Variants in TRAIP observed in about 807,000 individuals in gnomAD.
TRAIP encodes E3 ubiquitin-protein ligase TRAIP.
A neutral mutation model predicts 65.0 loss-of-function variants in TRAIP; 37 were observed. The observed-to-expected ratio is 0.57, with a 90% CI of 0.44 to 0.75. The LOEUF is 0.75. TRAIP is among the 30% of genes least tolerant of loss of function. The pLI is 0.00. For synonymous variants in TRAIP, 187 were observed against 219.1 expected, an observed-to-expected ratio of 0.85 and a Z score of 1.29; for missense variants, 481 against 579.4, an observed-to-expected ratio of 0.83 and a Z score of 1.74.
At chr3:49,852,043 C>T (rs1296673704) in intron 1 of TRAIP, among the ~76,000 whole-genome samples, 2 of 151,570 alleles carry the variant, frequency 1.3e-5, no homozygotes, top group Non-Finnish European at 2.9e-5. Flanking sequence ...AAAAAAAGCA[C>T]TATGAAAACA....
intron 3 of TRAIP, among the ~76,000 whole-genome samples, chr3:49,846,339 C>T (rs1192121888): frequency 6.6e-6 from 1 of 152,120 alleles, no homozygotes; most frequent in African/African-American, 2.4e-5. Context: ...GCTGGGATTA[C>T]AGGTGTGAGC....
chr3:49,828,966 C>T lies in TRAIP; in HGVS notation c.*137G>A. The T allele has an allele frequency of 8.1e-7, 1 of 1,241,384 alleles. No homozygotes were observed. Among genetic ancestry groups the T allele is most frequent in the Non-Finnish European group, 1.2e-6 (1 of 867,360 alleles). 76.9% of individuals were successfully genotyped at this position (1,241,384 alleles called of 1,614,324 possible). A position where few individuals can be genotyped will look rare whatever the true frequency, so the allele number is the denominator to read the frequency against. On this transcript the variant is annotated 3_prime_UTR_variant, in exon 15 of 15. Coordinates refer to ENST00000331456, the MANE Select transcript of TRAIP (RefSeq NM_005879.3). ...AAGAGCAGTCTCTGGGTGCCACACT[C>T]ACCCTCACCTGTTTGTCTGCCCTTA...
At chr3:49,849,346 C>G (rs539735500) in intron 1 of TRAIP, among the ~76,000 whole-genome samples, 2 of 151,362 alleles carry the variant, frequency 1.3e-5, no homozygotes, top group South Asian at 2.1e-4. Context: ...AAAAGAGTGG[C>G]CGGGCGCAGT....
At chr3:49,839,560 G>C (rs923532354) in intron 10 of TRAIP, among the ~76,000 whole-genome samples, 1 of 152,214 alleles carries the variant, frequency 6.6e-6, no homozygotes, top group African/African-American at 2.4e-5. Context: ...ACCACTTCTA[G>C]GTCCTCTGGC....
intron 5 of TRAIP, chr3:49,843,447 T>C (rs1046724615): frequency 5.2e-6 from 1 of 191,032 alleles, no homozygotes; most frequent in Admixed American, 5.4e-5. Flanking sequence ...AGAGTGCTAA[T>C]GGAAGGTTCT....
intron 4 of TRAIP, among the ~76,000 whole-genome samples, chr3:49,844,233 C>G (rs1442632869): frequency 6.6e-6 from 1 of 152,122 alleles, no homozygotes; most frequent in Non-Finnish European, 1.5e-5. Context: ...CAGGTTCCAG[C>G]CAAACTCAGC....
intron 1 of TRAIP, among the ~76,000 whole-genome samples, chr3:49,854,799 G>A (rs1463546894): frequency 6.6e-6 from 1 of 152,030 alleles, no homozygotes; most frequent in Non-Finnish European, 1.5e-5. Context: ...GTTCACACCT[G>A]TAATCCTAGC....
chr3:49,851,405 T>A (rs556220819), intron 1 of TRAIP, among the ~76,000 whole-genome samples: 1 of 152,158 alleles, frequency 6.6e-6, no homozygotes, highest in African/African-American at 2.4e-5. Flanking sequence ...TGTTCTTTTT[T>A]TGAAATGGGG....
chr3:49,844,546 T>C lies in TRAIP; in HGVS notation c.275A>G (p.Gln92Arg). ...ELDNVRAQLSQKDKEKRDSQV... is the reference protein window; with the variant it reads ...ELDNVRAQLSRKDKEKRDSQV... Reference sequence around the variant, plus strand: ...CTCGTCTCTTGCTAACTCACCTTTCTGGGAAAGCTGGGCTCTGACATTGTC... The same window carrying C: ...CTCGTCTCTTGCTAACTCACCTTTCCGGGAAAGCTGGGCTCTGACATTGTC... The change falls in exon 4 of 15, where the codon CAG (glutamine) becomes CGG (arginine). Residue 92 changes from glutamine (Q) to arginine (R), a missense_variant. Physicochemically the swap from Gln to Arg is conservative, Grantham distance 43. Coordinates refer to ENST00000331456, the MANE Select transcript of TRAIP (RefSeq NM_005879.3). 1 of 1,613,882 alleles carries C rather than the reference T, an allele frequency of 6.2e-7. No individual in the cohort carries two copies.
chr3:49,840,626 A>C, intron 8 of TRAIP: 1 of 558,868 alleles, frequency 1.8e-6, no homozygotes, highest in Non-Finnish European at 3.2e-6. Context: ...TGCTGACCGA[A>C]TCAGGTTCCA....
Position 49,850,356 on chromosome 3 carries a change from G to A in TRAIP, c.99-2156C>T, listed in dbSNP as rs1159662850. ...TCTACTAAAAATAGAAAAATTAGCC[G>A]GGTGTGGTGGCGCACGCCTGTAATC... On this transcript the variant is annotated intron_variant, in intron 1 of 14. Transcript: ENST00000331456. Among the ~76,000 whole-genome samples the A allele has an allele frequency of 8.6e-5, 13 of 151,946 alleles. No homozygotes were observed. In the East Asian group the frequency reaches 1.6e-3, roughly 18 times the overall value.
chr3:49,841,928 A>G lies in TRAIP; in HGVS notation c.515T>C (p.Leu172Pro). ...KMKTMEQIEL[L>P]LQSQRPEVEE... Reference sequence around the variant, plus strand: ...CACCTCAGGGCGCTGGCTCTGGAGTAGAAGCTCAATCCTGAAAAATACACC... The same window carrying G: ...CACCTCAGGGCGCTGGCTCTGGAGTGGAAGCTCAATCCTGAAAAATACACC... The change falls in exon 7 of 15, where the codon CTA becomes CCA. Residue 172 changes from leucine to proline, a missense_variant. Physicochemically the swap from Leu to Pro is moderately conservative, Grantham distance 98. Coordinates refer to ENST00000331456, the MANE Select transcript of TRAIP (RefSeq NM_005879.3). 6.2e-7 allele frequency: 1 copy of G among 1,614,152 alleles called. No individual in the cohort carries two copies. The highest frequency in any genetic ancestry group is 8.5e-7 in the Non-Finnish European group (1 of 1,179,986).
chr3:49,841,427 C>A (rs1014434348), intron 7 of TRAIP, among the ~76,000 whole-genome samples: 1 of 152,232 alleles, frequency 6.6e-6, no homozygotes, highest in Non-Finnish European at 1.5e-5. Context: ...CTTACACCCA[C>A]CAGAGTGAAG....
chr3:49,838,517 T>G (rs2081807911), intron 10 of TRAIP, among the ~76,000 whole-genome samples: 1 of 152,242 alleles, frequency 6.6e-6, no homozygotes, highest in African/African-American at 2.4e-5. Context: ...AGAGAAGGTC[T>G]GCCATGCAGT....
At chr3:49,844,182 C>T (rs1179753992) in intron 4 of TRAIP, among the ~76,000 whole-genome samples, 1 of 152,166 alleles carries the variant, frequency 6.6e-6, no homozygotes, top group South Asian at 2.1e-4. Context: ...CCATTCCCTA[C>T]CTGCCATGGG....
intron 7 of TRAIP, 143 bp downstream of exon 7, chr3:49,841,683 G>A: frequency 1.6e-6 from 1 of 633,308 alleles, no homozygotes; most frequent in Non-Finnish European, 2.8e-6. Flanking sequence ...GCTGAAAGGT[G>A]GAATCAGGGT....
chr3:49,834,597 A>G (rs533461128), intron 10 of TRAIP, among the ~76,000 whole-genome samples: 1 of 152,320 alleles, frequency 6.6e-6, no homozygotes, highest in Admixed American at 6.5e-5. Context: ...CAAAGACACT[A>G]AACAAACTAT....
intron 1 of TRAIP, among the ~76,000 whole-genome samples, chr3:49,848,966 C>G (rs906574264): frequency 1.3e-5 from 2 of 151,960 alleles, no homozygotes; most frequent in Non-Finnish European, 2.9e-5. Context: ...CCTACCTCAG[C>G]CTCCCAGGTA....
intron 10 of TRAIP, among the ~76,000 whole-genome samples, chr3:49,832,987 A>G (rs2081749494): frequency 6.6e-6 from 1 of 152,026 alleles, no homozygotes; most frequent in Non-Finnish European, 1.5e-5. Flanking sequence ...GGCAGCCTGG[A>G]CTATTTCTTC....
Sources: allele counts gnomAD v4.1 joint callset (sites outside exome capture counted in the v4.1 genomes callset), GRCh38; gene constraint gnomAD v4.1.1; transcripts MANE v1.5; gene names NCBI Gene and HGNC (gene_info 2026-07-23, HGNC 2026-07-21).